The following KCNIP4 variants were observed in gnomAD, a reference collection of about 807,000 sequenced individuals.
The protein encoded by KCNIP4 is potassium voltage-gated channel interacting protein 4.
A neutral mutation model predicts 34.0 loss-of-function variants in KCNIP4; 12 were observed. That is an observed-to-expected ratio of 0.35 (90% CI 0.23 to 0.57). KCNIP4 has a LOEUF of 0.57. KCNIP4 is among the 20% of genes least tolerant of loss of function. The probability of loss-of-function intolerance (pLI) is 0.83; values close to 1 mark genes in which losing one functional copy is unlikely to be tolerated. For missense variants in KCNIP4, 238 were observed against 311.7 expected (o/e 0.76, Z 1.78); for synonymous variants, 124 against 102.2 (o/e 1.21, Z -1.29).
chr4:21,487,393 A>G (rs953612749), intron 1 of KCNIP4, among the ~76,000 whole-genome samples: 3 of 152,152 alleles, frequency 2.0e-5, no homozygotes, highest in Non-Finnish European at 4.4e-5. Flanking sequence ...TTTACATCCC[A>G]TCATGTCAAG....
chr4:21,260,267 C>T (rs1761386599), intron 1 of KCNIP4, among the ~76,000 whole-genome samples: 1 of 152,082 alleles, frequency 6.6e-6, no homozygotes, highest in Non-Finnish European at 1.5e-5. Context: ...GAATTACGGG[C>T]AAAAGCCTTT....
intron 1 of KCNIP4, among the ~76,000 whole-genome samples, chr4:21,400,758 G>A (rs1723487566): frequency 6.6e-6 from 1 of 152,104 alleles, no homozygotes; most frequent in Non-Finnish European, 1.5e-5. Context: ...CAGCAAATAT[G>A]TAGAATTTTA....
chr4:21,424,822 T>A (rs1725801816), intron 1 of KCNIP4, among the ~76,000 whole-genome samples: 1 of 152,194 alleles, frequency 6.6e-6, no homozygotes, highest in Non-Finnish European at 1.5e-5. Context: ...CAGATGTCAA[T>A]CAAATATTTT....
chr4:21,173,732 C>G (rs1317424826), intron 1 of KCNIP4, among the ~76,000 whole-genome samples: 1 of 152,152 alleles, frequency 6.6e-6, no homozygotes, highest in Admixed American at 6.5e-5. Context: ...AAGCCGTGGA[C>G]CCCACCTGCT....
At chr4:20,924,417 T>G (rs1442758476) in intron 1 of KCNIP4, among the ~76,000 whole-genome samples, 1 of 152,212 alleles carries the variant, frequency 6.6e-6, no homozygotes, top group East Asian at 1.9e-4. Flanking sequence ...ATAGTGTACA[T>G]GTTTATGTAG....
At chr4:21,935,008 G>A (rs950947339) in intron 1 of KCNIP4, among the ~76,000 whole-genome samples, 1 of 151,986 alleles carries the variant, frequency 6.6e-6, no homozygotes, top group African/African-American at 2.4e-5. Flanking sequence ...TCTGTCCTCT[G>A]TCATCTGAAT....
chr4:20,752,409 A>T (rs767067252), intron 4 of KCNIP4, among the ~76,000 whole-genome samples: 14 of 152,228 alleles, frequency 9.2e-5, no homozygotes, highest in Admixed American at 6.5e-5. Context: ...CAAAGTGTTT[A>T]GAAATAATCC....
chr4:21,319,590 G>T (rs1228144352), intron 1 of KCNIP4, among the ~76,000 whole-genome samples: 1 of 152,126 alleles, frequency 6.6e-6, no homozygotes, highest in African/African-American at 2.4e-5. Context: ...GAATCACCTA[G>T]TAGCCTGATA....
intron 1 of KCNIP4, among the ~76,000 whole-genome samples, chr4:21,142,162 A>C (rs1340340618): frequency 7.9e-5 from 12 of 151,754 alleles, no homozygotes; most frequent in African/African-American, 2.2e-4. Context: ...AAAAAAAAAA[A>C]AAAAAAACCC....
At chr4:21,695,761 T>C (rs769250250) in intron 1 of KCNIP4, among the ~76,000 whole-genome samples, 48 of 152,108 alleles carry the variant, frequency 3.2e-4, no homozygotes, top group Middle Eastern at 3.2e-3. Context: ...GATTGCCCTA[T>C]CAGAGAGGAA....
intron 1 of KCNIP4, among the ~76,000 whole-genome samples, chr4:21,233,995 GTATAATATATAACATATATAACATA>G (rs1465105484): frequency 3.2e-5 from 3 of 94,782 alleles, no homozygotes; most frequent in Non-Finnish European, 5.9e-5. Flanking sequence ...CATATAACAT[GTATAATATATAACATATATAACATA>G]TATTATATAT....
intron 1 of KCNIP4, among the ~76,000 whole-genome samples, chr4:21,297,592 T>A (rs1763914192): frequency 6.6e-6 from 1 of 152,150 alleles, no homozygotes; most frequent in Non-Finnish European, 1.5e-5. Context: ...CATTTTTAGT[T>A]CATTTCGTCT....
intron 1 of KCNIP4, among the ~76,000 whole-genome samples, chr4:21,079,207 T>C (rs756779921): frequency 1.3e-5 from 2 of 152,104 alleles, no homozygotes; most frequent in Non-Finnish European, 2.9e-5. Context: ...TGACAACACA[T>C]CTATGACCCA....
chr4:21,425,969 C>CT (rs1332228118), intron 1 of KCNIP4, among the ~76,000 whole-genome samples: 1 of 151,956 alleles, frequency 6.6e-6, no homozygotes, highest in Non-Finnish European at 1.5e-5. Context: ...TGGGAGGATC[C>CT]TTTGAGCAGG....
At chr4:21,416,986 A>T (rs1043029699) in intron 1 of KCNIP4, among the ~76,000 whole-genome samples, 1 of 152,200 alleles carries the variant, frequency 6.6e-6, no homozygotes, top group Non-Finnish European at 1.5e-5. Context: ...TCTCTTAAAG[A>T]TAAATAAATG....
intron 5 of KCNIP4, among the ~76,000 whole-genome samples, chr4:20,740,747 G>T (rs989157048): frequency 6.6e-6 from 1 of 152,210 alleles, no homozygotes; most frequent in African/African-American, 2.4e-5. Context: ...ATGTAAATGG[G>T]CTAAACGCAC....
intron 1 of KCNIP4, among the ~76,000 whole-genome samples, chr4:21,205,512 G>C (rs978698456): frequency 2.6e-5 from 4 of 152,286 alleles, no homozygotes; most frequent in African/African-American, 9.6e-5. Flanking sequence ...CTCCAGATGA[G>C]GAGCCTAAGT....
intron 1 of KCNIP4, among the ~76,000 whole-genome samples, chr4:21,170,435 G>A (rs1410350579): frequency 6.6e-6 from 1 of 152,126 alleles, no homozygotes; most frequent in Non-Finnish European, 1.5e-5. Context: ...GCACTAAAAA[G>A]CAATATTTGG....
chr4:21,365,525 A>AT (rs61043336), intron 1 of KCNIP4, among the ~76,000 whole-genome samples: 4,366 of 27,748 alleles, frequency 0.16, 112 homozygotes, highest in Non-Finnish European at 0.2. Flanking sequence ...AAATAAATAA[A>AT]AAATAAAGAA....
Sources: gnomAD v4.1 joint callset for allele counts (sites outside exome capture counted in the v4.1 genomes callset) on GRCh38, gnomAD v4.1.1 for gene constraint, MANE v1.5 for transcripts, NCBI Gene and HGNC (gene_info 2026-07-23, HGNC 2026-07-21) for gene names.